Variants in TTC21B observed in about 807,000 individuals in gnomAD.
The protein encoded by TTC21B is tetratricopeptide repeat domain 21B, also known as tetratricopeptide repeat protein 21B.
TTC21B carries 127 observed loss-of-function variants against 175.1 expected under a neutral mutation model. That is an observed-to-expected ratio of 0.73 (90% CI 0.63 to 0.84). The LOEUF (loss-of-function observed/expected upper bound fraction) is 0.84. TTC21B is among the 40% of genes least tolerant of loss of function. The pLI is 0.00. For synonymous variants in TTC21B, 524 were observed against 524.5 expected, an observed-to-expected ratio of 1.00 and a Z score of 0.01; for missense variants, 1,561 against 1,558.3, an observed-to-expected ratio of 1.00 and a Z score of -0.03.
In TTC21B at chr2:165,941,072, T is replaced by A. The variant is rs80026831; in HGVS notation, c.665A>T (p.Gln222Leu). The change falls in exon 6 of 29, where the codon CAA becomes CTA. Residue 222 changes from glutamine (Q) to leucine (L), a missense_variant. Physicochemically the swap from Gln to Leu is moderately radical, Grantham distance 113. Coordinates refer to ENST00000243344, the MANE Select transcript of TTC21B (RefSeq NM_024753.5). The stretch of plus-strand genomic sequence containing the variant: ...CTGGTCCCAATCCTGCAAGGCTAGT[T>A]GTAATTTCATTTTCTTAACAAAAGC... The part of the protein sequence containing the change: ...LPAFVKKMKL[Q>L]LALQDWDQTV... The A allele has an allele frequency of 2.2e-3, 3,480 of 1,613,962 alleles. 80 individuals are homozygous for A. The African/African-American group carries it at 0.041, about 19-fold the overall frequency.
intron 3 of TTC21B, 102 bp from the exon 4 acceptor site, chr2:165,945,792 T>C (rs1178141154): frequency 1.8e-6 from 2 of 1,127,020 alleles, no homozygotes; most frequent in East Asian, 2.6e-5. Context: ...CTCTCTATAG[T>C]GGTACTGTCT....
chr2:165,947,174 A>ATATATG (rs1687603117), intron 3 of TTC21B: 1 of 45,206 alleles, frequency 2.2e-5, no homozygotes, highest in Non-Finnish European at 7.2e-5. Context: ...TCCCCCATAT[A>ATATATG]TATATATATA....
chr2:165,940,952 A>G, intron 6 of TTC21B, 75 bp downstream of exon 6: 1 of 1,554,960 alleles, frequency 6.4e-7, no homozygotes, highest in Non-Finnish European at 8.8e-7. Flanking sequence ...CTTATGAAAA[A>G]AATTCACAGA....
rs1267670463 is a variant in TTC21B at position 165,919,083 on chromosome 2, C to T, written c.1674+193G>A. On this transcript the variant is annotated intron_variant, in intron 13 of 28. Coordinates refer to ENST00000243344, the MANE Select transcript of TTC21B (RefSeq NM_024753.5). ...GACATTAACCTCAGGATTTTTGTCA[C>T]CAAGTCCACATAGTTTTTTACCCAT... is the stretch of plus-strand genomic sequence containing the variant. Among the ~76,000 whole-genome samples the T allele has an allele frequency of 2.6e-5, 4 of 152,110 alleles. 1 individual carries two copies. The highest frequency in any genetic ancestry group is 9.7e-5 in the African/African-American group (4 of 41,422).
intron 5 of TTC21B, among the ~76,000 whole-genome samples, chr2:165,942,745 T>G (rs1047683718): frequency 6.6e-6 from 1 of 152,218 alleles, no homozygotes; most frequent in African/African-American, 2.4e-5. Flanking sequence ...TCCGACCACT[T>G]CATGTAAAAC....
At position 165,880,813 on chromosome 2, in the gene TTC21B, G is replaced by T; in HGVS notation, c.3685-14C>A. ...TTTGCAGCAAGACTGAAGAAAAATG[G>T]GAGACATCAATAGATTAAACTTGAT... On this transcript the variant is annotated splice_polypyrimidine_tract_variant and intron_variant, in intron 26 of 28. Transcript: ENST00000243344. 6.2e-7 allele frequency: 1 copy of T among 1,610,644 alleles called. No individual in the cohort carries two copies.
chr2:165,953,465 C>G (rs1253195476), intron 1 of TTC21B, among the ~76,000 whole-genome samples: 1 of 152,204 alleles, frequency 6.6e-6, no homozygotes, highest in Non-Finnish European at 1.5e-5. Context: ...AAACACCGAG[C>G]GGGCGGGCTG....
At chr2:165,879,936 G>A (rs1392544201) in intron 27 of TTC21B, 2 of 152,268 alleles carry the variant, frequency 1.3e-5, no homozygotes, top group Non-Finnish European at 2.9e-5. Flanking sequence ...CTAGGACACA[G>A]GACTGAAGAT....
chr2:165,924,572 A>G lies in TTC21B; in HGVS notation c.1493T>C (p.Ile498Thr), dbSNP rs1686550964. 1 of 1,613,528 alleles carries G rather than the reference A, an allele frequency of 6.2e-7. No homozygotes were observed. The highest frequency in any genetic ancestry group is 1.7e-5 in the Admixed American group (1 of 59,990). ...ACCTGACAAATATTTCACTTTTGCT[A>G]TTAGGAAGACTGTTTGCAGAAGACC... ...VPGLLQTVFL[I>T]AKVKYLSGDI... Residue 498 changes from isoleucine to threonine, a missense_variant, in exon 12 of 29, where the codon ATA becomes ACA. By Grantham distance (89) the Ile-to-Thr change is moderately conservative. Coordinates refer to ENST00000243344, the MANE Select transcript of TTC21B (RefSeq NM_024753.5).
Position 165,930,730 on chromosome 2 carries a change from GGGGTGTGTGTGTGT to G in TTC21B, c.895-380_895-367del, listed in dbSNP as rs1307687924. Among the ~76,000 whole-genome samples the G allele has an allele frequency of 4.7e-4, 37 of 78,352 alleles. 1 individual carries two copies. Among genetic ancestry groups the G allele is most frequent in the African/African-American group, 1.3e-3 (32 of 25,108 alleles). The allele number at this position is 78,352 out of a possible 152,430, so 51.4% of individuals were successfully genotyped here. On this transcript the variant is annotated intron_variant, in intron 8 of 28. Coordinates refer to ENST00000243344, the MANE Select transcript of TTC21B (RefSeq NM_024753.5). Reference sequence around the variant, plus strand: ...ATTATTTTATGGTTACGTGGGTATGGGGGTGTGTGTGTGTGTGTGTGTGTGTGTGTGTGTGTATA... The same window carrying G: ...ATTATTTTATGGTTACGTGGGTATGGGTGTGTGTGTGTGTGTGTGTGTATA...
chr2:165,924,434 T>C, intron 12 of TTC21B, 115 bp downstream of exon 12: 7 of 999,086 alleles, frequency 7.0e-6, no homozygotes, highest in South Asian at 6.1e-5. Flanking sequence ...TATGCATATA[T>C]AAAATGTACA....
intron 18 of TTC21B, among the ~76,000 whole-genome samples, chr2:165,908,780 C>T (rs1044734559): frequency 6.6e-6 from 1 of 152,048 alleles, no homozygotes; most frequent in Non-Finnish European, 1.5e-5. Context: ...CCCATTGTAA[C>T]TAAAACATAT....
chr2:165,932,539 G>T (rs543729309), intron 7 of TTC21B, among the ~76,000 whole-genome samples: 122 of 152,050 alleles, frequency 8.0e-4, no homozygotes, highest in African/African-American at 2.8e-3. Context: ...TTATTATGAG[G>T]TATAATGGGA....
chr2:165,876,557 T>C (rs1445933240), intron 27 of TTC21B, among the ~76,000 whole-genome samples: 5 of 152,360 alleles, frequency 3.3e-5, no homozygotes, highest in African/African-American at 4.8e-5. Flanking sequence ...AAACTCATCA[T>C]AGGGCAGTAA....
At chr2:165,890,683 T>C (rs1685158286) in intron 23 of TTC21B, 43 bp from the exon 24 acceptor site, 1 of 1,588,618 alleles carries the variant, frequency 6.3e-7, no homozygotes, top group East Asian at 2.2e-5. Flanking sequence ...AATCACTGAC[T>C]ACAAAATTTA....
chr2:165,949,893 T>C (rs995301218), intron 1 of TTC21B, 169 bp from the exon 2 acceptor site: 1 of 597,236 alleles, frequency 1.7e-6, no homozygotes, highest in Non-Finnish European at 2.9e-6. Flanking sequence ...ATGCTAAGGA[T>C]TGCAGAACTG....
intron 23 of TTC21B, 36 bp from the exon 24 acceptor site, chr2:165,890,676 C>A (rs1225535848): frequency 6.3e-7 from 1 of 1,597,104 alleles, no homozygotes; most frequent in Admixed American, 1.7e-5. Context: ...TTATTTCAAT[C>A]ACTGACTACA....
chr2:165,879,566 T>C (rs1684776019), intron 27 of TTC21B: 1 of 152,180 alleles, frequency 6.6e-6, no homozygotes, highest in African/African-American at 2.4e-5. Context: ...TGATGCCATC[T>C]TAGGCTGAAT....
At chr2:165,936,736 A>G (rs1687165448) in intron 6 of TTC21B, among the ~76,000 whole-genome samples, 2 of 152,080 alleles carry the variant, frequency 1.3e-5, no homozygotes, top group Admixed American at 1.3e-4. Context: ...AAATTAAAAT[A>G]ACAATGAGAT....
Sources: gnomAD v4.1 joint callset for allele counts (sites outside exome capture counted in the v4.1 genomes callset) on GRCh38, gnomAD v4.1.1 for gene constraint, MANE v1.5 for transcripts, NCBI Gene and HGNC (gene_info 2026-07-23, HGNC 2026-07-21) for gene names.